UBE2N: variants seen among roughly 807,000 people sequenced by gnomAD.
UBE2N encodes the protein ubiquitin conjugating enzyme E2 N.
For missense variants in UBE2N, 60 were observed against 192.1 expected, an observed-to-expected ratio of 0.31 and a Z score of 4.07; for synonymous variants, 70 against 69.2, an observed-to-expected ratio of 1.01 and a Z score of -0.06.
At chr12:93,420,246 T>C (rs1317106534) in intron 1 of UBE2N, among the ~76,000 whole-genome samples, 1 of 152,170 alleles carries the variant, frequency 6.6e-6, no homozygotes, top group Non-Finnish European at 1.5e-5. Flanking sequence ...TACTCTCTAT[T>C]CCACTTGAAG....
At chr12:93,424,260 ATT>A (rs1878507610) in intron 1 of UBE2N, 1 of 152,178 alleles carries the variant, frequency 6.6e-6, no homozygotes, top group Non-Finnish European at 1.5e-5. Flanking sequence ...GCTACCATGT[ATT>A]TACTTACTCG....
At position 93,415,317 on chromosome 12, in the gene UBE2N, A is replaced by C. The variant is rs555475498; in HGVS notation, c.31-4018T>G. Among the ~76,000 whole-genome samples the C allele has an allele frequency of 3.9e-5, 6 of 152,366 alleles. No homozygotes were observed. In the East Asian group the frequency reaches 1.2e-3, roughly 29 times the overall value. On this transcript the variant is annotated intron_variant, in intron 1 of 3. Coordinates refer to ENST00000318066, the MANE Select transcript of UBE2N (RefSeq NM_003348.4). ...CTCTCTCAGCACAGTAATATACTGA[A>C]ATAGTCATAAGATGTAAATACAAAT...
chr12:93,434,718 TA>T (rs1030404937), intron 1 of UBE2N, among the ~76,000 whole-genome samples: 4 of 151,838 alleles, frequency 2.6e-5, no homozygotes, highest in Non-Finnish European at 4.4e-5. Flanking sequence ...AGTCATACGT[TA>T]AAAAAAATAG....
rs1361176558 is a variant in UBE2N at position 93,406,320 on chromosome 12, T to C, written c.*3719A>G. 8.0e-6 allele frequency: 1 copy of C among 125,622 alleles called. No individual in the cohort carries two copies. The highest frequency in any genetic ancestry group is 1.7e-5 in the Non-Finnish European group (1 of 59,200). 7.8% of individuals were successfully genotyped at this position (125,622 alleles called of 1,614,324 possible). A position where few individuals can be genotyped will look rare whatever the true frequency, so the allele number is the denominator to read the frequency against. On this transcript the variant is annotated 3_prime_UTR_variant, in exon 4 of 4. Transcript: ENST00000318066. ...AAAAAAAAAAAGGTTCCTGAACCAT[T>C]CAACAGAAAAATGAGGCCTATTCCT...
At chr12:93,427,955 G>A (rs1361360250) in intron 1 of UBE2N, among the ~76,000 whole-genome samples, 1 of 152,014 alleles carries the variant, frequency 6.6e-6, no homozygotes, top group Non-Finnish European at 1.5e-5. Context: ...TTGCTCTGTC[G>A]CCCAGGCTAG....
At chr12:93,427,008 T>C (rs1878614211) in intron 1 of UBE2N, among the ~76,000 whole-genome samples, 1 of 152,132 alleles carries the variant, frequency 6.6e-6, no homozygotes, top group Non-Finnish European at 1.5e-5. Context: ...CAGCCTCTGC[T>C]TCCCAGGTTG....
In UBE2N at chr12:93,407,641, CA is replaced by C. The variant is rs1028030879; in HGVS notation, c.*2397del. 1 of 152,318 alleles carries C rather than the reference CA, an allele frequency of 6.6e-6. No homozygotes were observed. The highest frequency in any genetic ancestry group is 2.1e-4 in the South Asian group (1 of 4,822). The allele number at this position is 152,318 out of a possible 1,614,324, so 9.4% of individuals were successfully genotyped here. ...ACTGTTGCCAGATCTTCAGATCATT[CA>C]AAAGTTACCCGAATTCTGGATTTTC... On this transcript the variant is annotated 3_prime_UTR_variant, in exon 4 of 4. Transcript: ENST00000318066.
At chr12:93,430,067 G>A (rs1878714429) in intron 1 of UBE2N, among the ~76,000 whole-genome samples, 1 of 152,074 alleles carries the variant, frequency 6.6e-6, no homozygotes, top group African/African-American at 2.4e-5. Context: ...CTCACCCAGG[G>A]CAACTTCCAG....
chr12:93,410,830 T>C lies in UBE2N; in HGVS notation c.322A>G (p.Ile108Val). Residue 108 changes from isoleucine (I) to valine (V), a missense_variant, in exon 3 of 4, where the codon ATC becomes GTC. Physicochemically the swap from Ile to Val is conservative, Grantham distance 29. Coordinates refer to ENST00000318066, the MANE Select transcript of UBE2N (RefSeq NM_003348.4). The part of the protein sequence containing the change: ...ALQIRTVLLS[I>V]QALLSAPNPD... ...TTGGGAGCACTTAACAAGGCCTGGA[T>C]CGATAGCAGAACTGTGCGGATCTGC... 1 of 1,614,162 alleles carries C rather than the reference T, an allele frequency of 6.2e-7. No homozygotes were observed. The highest frequency in any genetic ancestry group is 8.5e-7 in the Non-Finnish European group (1 of 1,180,036).
At chr12:93,426,679 T>C (rs1341087460) in intron 1 of UBE2N, among the ~76,000 whole-genome samples, 1 of 152,178 alleles carries the variant, frequency 6.6e-6, no homozygotes, top group African/African-American at 2.4e-5. Flanking sequence ...TTCTAAAAAA[T>C]CTCTGCCTTA....
chr12:93,429,697 AGAG>A (rs1303216470), intron 1 of UBE2N, among the ~76,000 whole-genome samples: 21 of 152,274 alleles, frequency 1.4e-4, no homozygotes, highest in African/African-American at 4.8e-4. Context: ...GAGTAGGACA[AGAG>A]GAGCTGGAAG....
intron 1 of UBE2N, among the ~76,000 whole-genome samples, chr12:93,411,906 G>A (rs1878042934): frequency 6.6e-6 from 1 of 152,014 alleles, no homozygotes; most frequent in African/African-American, 2.4e-5. Context: ...TGGCCAGGCT[G>A]GTCTTGAACT....
intron 1 of UBE2N, among the ~76,000 whole-genome samples, chr12:93,411,996 A>G (rs1179776517): frequency 1.3e-5 from 2 of 152,156 alleles, no homozygotes; most frequent in African/African-American, 2.4e-5. Context: ...TCGGCCAAAA[A>G]TTAGTTTTTA....
At chr12:93,410,396 C>T in intron 3 of UBE2N, 1 of 497,972 alleles carries the variant, frequency 2.0e-6, no homozygotes, top group Non-Finnish European at 3.5e-6. Flanking sequence ...ATTCCGTAGC[C>T]ATAAACAGCT....
chr12:93,405,998 T>C lies in UBE2N; in HGVS notation c.*4041A>G, dbSNP rs1195005904. ...AAAGATGTGGCAGGGCTGGGCACGG[T>C]GGCTCACGCCTGTAATCCCAGCACT... On this transcript the variant is annotated 3_prime_UTR_variant, in exon 4 of 4. Transcript: ENST00000318066. 6.6e-6 allele frequency: 1 copy of C among 152,114 alleles called. No homozygotes were observed. The highest frequency in any genetic ancestry group is 1.5e-5 in the Non-Finnish European group (1 of 68,014). 9.4% of individuals were successfully genotyped at this position (152,114 alleles called of 1,614,324 possible).
rs1414895407 is a variant in UBE2N at position 93,411,078 on chromosome 12, T to C, written c.252A>G (p.Gly84=). The C allele has an allele frequency of 6.2e-7, 1 of 1,614,272 alleles. No homozygotes were observed. Among genetic ancestry groups the C allele is most frequent in the Admixed American group, 1.7e-5 (1 of 60,038 alleles). ...CTTTCAAAATATCTAAACATATTCTTCCCAACTTGTCTACATTAGGATGAT... is the reference window on the plus strand; with the variant it reads ...CTTTCAAAATATCTAAACATATTCTCCCCAACTTGTCTACATTAGGATGAT... The part of the protein sequence containing the change: ...KIYHPNVDKL[G]RICLDILKDK... The change falls in exon 2 of 4, where the codon GGA becomes GGG. Residue 84 remains glycine, a synonymous_variant. Transcript: ENST00000318066.
intron 1 of UBE2N, among the ~76,000 whole-genome samples, chr12:93,426,461 T>C (rs764598852): frequency 6.7e-6 from 1 of 148,368 alleles, no homozygotes; most frequent in African/African-American, 2.5e-5. Context: ...ATAGTGTAAG[T>C]AAACAGTTTT....
chr12:93,424,553 G>GA (rs1878517788), intron 1 of UBE2N, among the ~76,000 whole-genome samples: 1 of 152,138 alleles, frequency 6.6e-6, no homozygotes, highest in African/African-American at 2.4e-5. Context: ...GATAAATTAG[G>GA]AAACATGAAA....
At chr12:93,427,513 T>C (rs1298553258) in intron 1 of UBE2N, among the ~76,000 whole-genome samples, 1 of 152,228 alleles carries the variant, frequency 6.6e-6, no homozygotes, top group Non-Finnish European at 1.5e-5. Flanking sequence ...AGGCCACATA[T>C]TGTATAATTC....
Sources: gnomAD v4.1 joint callset for allele counts (sites outside exome capture counted in the v4.1 genomes callset) on GRCh38, gnomAD v4.1.1 for gene constraint, MANE v1.5 for transcripts, NCBI Gene and HGNC (gene_info 2026-07-23, HGNC 2026-07-21) for gene names.